Variants in BTG4 observed in about 807,000 individuals in gnomAD.
BTG4 encodes the protein BTG anti-proliferation factor 4.
In BTG4, 10 loss-of-function variants were observed where a neutral mutation model predicts 19.3. That is an observed-to-expected ratio of 0.52 (90% CI 0.32 to 0.88). The LOEUF is 0.88. Among genes scored for constraint, BTG4 ranks in the 40% least tolerant of loss-of-function variants. The pLI is 0.04. For synonymous variants in BTG4, 91 were observed against 95.7 expected (o/e 0.95, Z 0.29); for missense variants, 238 against 281.9 (o/e 0.84, Z 1.11).
downstream of BTG4, among the ~76,000 whole-genome samples, chr11:111,466,521 A>G (rs1359090330): frequency 6.6e-6 from 1 of 152,152 alleles, no homozygotes; most frequent in African/African-American, 2.4e-5. Context: ...CTCTGTTCCT[A>G]TTGACTGAAA....
At chr11:111,441,845 G>C in the BTG4 span, among the ~76,000 whole-genome samples, 1 of 152,262 alleles carries the variant, frequency 6.6e-6, no homozygotes, top group East Asian at 1.9e-4. Context: ...GATCACTTGA[G>C]GTAAGGAGTT....
chr11:111,433,544 A>T, the BTG4 span, among the ~76,000 whole-genome samples: 3 of 152,360 alleles, frequency 2.0e-5, no homozygotes, highest in East Asian at 5.8e-4. Flanking sequence ...AAAAGCCAAA[A>T]TAGACAAATG....
In BTG4 at chr11:111,495,091, G is replaced by A; in HGVS notation, c.*44C>T. The A allele has an allele frequency of 6.8e-7, 1 of 1,468,094 alleles. No individual in the cohort carries two copies. Among genetic ancestry groups the A allele is most frequent in the South Asian group, 1.6e-5 (1 of 61,976 alleles). 90.9% of individuals were successfully genotyped at this position (1,468,094 alleles called of 1,614,324 possible). On this transcript the variant is annotated 3_prime_UTR_variant, in exon 5 of 5. Transcript: ENST00000692032. ...TCATTTTTATTTTAGAGAGAATAAAGGCACTCCTCTGAGCTCTTGCCCACC... is the reference window on the plus strand; with the variant it reads ...TCATTTTTATTTTAGAGAGAATAAAAGCACTCCTCTGAGCTCTTGCCCACC...
the BTG4 span, among the ~76,000 whole-genome samples, chr11:111,390,967 G>A: frequency 6.6e-6 from 1 of 152,246 alleles, no homozygotes; most frequent in Non-Finnish European, 1.5e-5. Flanking sequence ...ATGATGCCAA[G>A]CCCTGGATTG....
At chr11:111,389,087 G>C in the BTG4 span, among the ~76,000 whole-genome samples, 5 of 152,214 alleles carry the variant, frequency 3.3e-5, no homozygotes, top group East Asian at 7.7e-4. Context: ...CTATAAAAAG[G>C]AAAAGGATCC....
chr11:111,437,102 T>C, the BTG4 span, among the ~76,000 whole-genome samples: 3 of 152,202 alleles, frequency 2.0e-5, no homozygotes, highest in Non-Finnish European at 4.4e-5. Flanking sequence ...TCTTCCTGCC[T>C]GGCTCCCAAC....
At chr11:111,438,812 A>AG in the BTG4 span, among the ~76,000 whole-genome samples, 57 of 152,358 alleles carry the variant, frequency 3.7e-4, no homozygotes, top group Non-Finnish European at 6.2e-4. Context: ...TGATGTGGTC[A>AG]GGGGGTCCCT....
the BTG4 span, among the ~76,000 whole-genome samples, chr11:111,430,034 A>G: frequency 0.5 from 75,745 of 152,062 alleles, 20,027 homozygotes; most frequent in African/African-American, 0.68. Context: ...GAACACAGCA[A>G]GCACATCATA....
At chr11:111,387,473 G>A in the BTG4 span, among the ~76,000 whole-genome samples, 3 of 152,298 alleles carry the variant, frequency 2.0e-5, no homozygotes, top group South Asian at 2.1e-4. Flanking sequence ...CCCAAGTGGC[G>A]CCTGGACGAG....
intron 1 of BTG4, among the ~76,000 whole-genome samples, chr11:111,506,494 G>A (rs1565475694): frequency 6.6e-6 from 1 of 151,952 alleles, no homozygotes; most frequent in Non-Finnish European, 1.5e-5. Context: ...GGGTGGGGAG[G>A]GTTGAAAAAT....
At chr11:111,418,493 TA>T in the BTG4 span, among the ~76,000 whole-genome samples, 3 of 152,194 alleles carry the variant, frequency 2.0e-5, no homozygotes, top group Non-Finnish European at 4.4e-5. Flanking sequence ...CAGCACCTCC[TA>T]TGCTGCAGTG....
At chr11:111,486,014 T>A (rs1188462862) in intron 5 of BTG4, among the ~76,000 whole-genome samples, 5 of 152,212 alleles carry the variant, frequency 3.3e-5, no homozygotes, top group Admixed American at 1.3e-4. Context: ...TTCTTAGACA[T>A]ACAACCTGTC....
At chr11:111,388,709 C>G in the BTG4 span, among the ~76,000 whole-genome samples, 1 of 152,086 alleles carries the variant, frequency 6.6e-6, no homozygotes, top group Non-Finnish European at 1.5e-5. Flanking sequence ...TCAAAGCTCT[C>G]AGCCTCACTT....
At chr11:111,504,844 A>C (rs1866339597) in intron 1 of BTG4, among the ~76,000 whole-genome samples, 1 of 152,072 alleles carries the variant, frequency 6.6e-6, no homozygotes, top group South Asian at 2.1e-4. Flanking sequence ...TGAGAACCAA[A>C]TTAAGAATCC....
the BTG4 span, among the ~76,000 whole-genome samples, chr11:111,409,790 T>C: frequency 1.5e-4 from 23 of 152,330 alleles, no homozygotes; most frequent in South Asian, 2.1e-4. Flanking sequence ...TGGATGGTTT[T>C]GGCATATGAA....
At chr11:111,413,969 G>A in the BTG4 span, among the ~76,000 whole-genome samples, 2 of 152,022 alleles carry the variant, frequency 1.3e-5, no homozygotes, top group East Asian at 1.9e-4. Context: ...TCCCCTTCCC[G>A]CCCCCACCTC....
the BTG4 span, chr11:111,453,561 C>T: frequency 4.4e-6 from 2 of 455,788 alleles, no homozygotes; most frequent in East Asian, 1.4e-4. Context: ...ACTCTGACGC[C>T]CCCAGGGTTG....
chr11:111,410,430 A>G, the BTG4 span, among the ~76,000 whole-genome samples: 1 of 152,226 alleles, frequency 6.6e-6, no homozygotes, highest in East Asian at 1.9e-4. Context: ...CTTTGGCAGG[A>G]AATATCAAAG....
At chr11:111,491,046 A>C (rs1281692206), downstream of BTG4, among the ~76,000 whole-genome samples, 1 of 152,256 alleles carries the variant, frequency 6.6e-6, no homozygotes, top group South Asian at 2.1e-4. Context: ...AGCAACAATA[A>C]GGAATAAACT....
Sources: gnomAD v4.1 joint callset for allele counts (sites outside exome capture counted in the v4.1 genomes callset) on GRCh38, gnomAD v4.1.1 for gene constraint, MANE v1.5 for transcripts, NCBI Gene and HGNC (gene_info 2026-07-23, HGNC 2026-07-21) for gene names.